The following ACSL6 variants were observed in gnomAD, a reference collection of about 807,000 sequenced individuals.
The protein encoded by ACSL6 is long-chain-fatty-acid--CoA ligase 6.
Under a neutral mutation model 98.2 loss-of-function variants are expected in ACSL6, and 47 were observed. The ratio of observed to expected loss-of-function variants is 0.48; its 90% confidence interval spans 0.38 to 0.61. ACSL6 has a LOEUF of 0.61. ACSL6 is among the 20% of genes least tolerant of loss of function. The pLI, the probability that ACSL6 is intolerant of heterozygous loss-of-function variation, is 0.00. For synonymous variants in ACSL6, 362 were observed against 336.9 expected, an observed-to-expected ratio of 1.07 and a Z score of -0.82; for missense variants, 761 against 913.4, an observed-to-expected ratio of 0.83 and a Z score of 2.15.
At position 131,992,431 on chromosome 5, in the gene ACSL6, A is replaced by G. The variant is rs1466151668; in HGVS notation, c.271-1464T>C. Among the ~76,000 whole-genome samples the G allele has an allele frequency of 3.9e-5, 6 of 152,016 alleles. No individual in the cohort carries two copies. In the East Asian group the frequency reaches 1.2e-3, roughly 29 times the overall value. ...TGCCTCTCCCATCTCATTTCCTACC[A>G]CTGTCTCCTTTGCCTACTCCGGTGC... On this transcript the variant is annotated intron_variant, in intron 2 of 20. Transcript: ENST00000651883.
intron 1 of ACSL6, 80 bp from the exon 2 acceptor site, chr5:131,994,331 T>A: frequency 8.0e-7 from 1 of 1,248,136 alleles, no homozygotes; most frequent in Non-Finnish European, 1.1e-6. Flanking sequence ...GGACCTGATA[T>A]CTGGTCTGAA....
chr5:131,966,522 C>CAA lies in ACSL6; in HGVS notation c.1606_1607insTT (p.Arg536IlefsTer11). The CAA allele has an allele frequency of 6.2e-7, 1 of 1,614,120 alleles. No individual in the cohort carries two copies. Among genetic ancestry groups the CAA allele is most frequent in the Non-Finnish European group, 8.5e-7 (1 of 1,179,958 alleles). ...GTAGCCTTTGAACACATTTGGTCCT[C>CAA]TCACACATATCTATGGGACAAAAAC... On this transcript the variant is annotated frameshift_variant, in exon 17 of 21. Transcript: ENST00000651883. LOFTEE classifies it high-confidence loss of function.
rs1486319433 is a variant in ACSL6, at chr5:132,011,228, G to C, written c.49+277C>G. Reference sequence around the variant, plus strand: ...GGATGGTCCTTGCCATCAGGGAAGGGGGACGCAAGAACTCGGCGGGGGTTT... The same window carrying C: ...GGATGGTCCTTGCCATCAGGGAAGGCGGACGCAAGAACTCGGCGGGGGTTT... On this transcript the variant is annotated intron_variant, in intron 1 of 20. Coordinates refer to ENST00000651883, the MANE Select transcript of ACSL6 (RefSeq NM_001009185.3). The surrounding 1 kb of genome is among the most constrained non-coding windows in gnomAD (Gnocchi z 5.4). Among the ~76,000 whole-genome samples, 1 of 152,178 alleles carries C rather than the reference G, an allele frequency of 6.6e-6. No homozygotes were observed. The highest frequency in any genetic ancestry group is 1.5e-5 in the Non-Finnish European group (1 of 68,024).
At chr5:131,985,601 T>C in intron 8 of ACSL6, 143 bp from the exon 9 acceptor site, 1 of 808,854 alleles carries the variant, frequency 1.2e-6, no homozygotes, top group Non-Finnish European at 2.0e-6. Context: ...TGCATGCTCC[T>C]GTGTGCTGCG....
intron 20 of ACSL6, among the ~76,000 whole-genome samples, chr5:131,957,537 TTG>T (rs1396802279): frequency 6.6e-6 from 1 of 152,226 alleles, no homozygotes; most frequent in Non-Finnish European, 1.5e-5. Context: ...ATTACATCAT[TTG>T]TTTTTCTAAT....
intron 1 of ACSL6, among the ~76,000 whole-genome samples, chr5:132,003,175 A>G (rs1356531458): frequency 6.6e-6 from 1 of 152,242 alleles, no homozygotes; most frequent in Non-Finnish European, 1.5e-5. Context: ...CCATAGTCTG[A>G]CAAAATTCCT....
chr5:131,960,804 TC>T, intron 18 of ACSL6, 183 bp from the exon 19 acceptor site: 1 of 500,722 alleles, frequency 2.0e-6, no homozygotes, highest in East Asian at 3.3e-5. Context: ...TCTGATATAT[TC>T]CCCTAGTTTT....
At position 131,988,809 on chromosome 5, in the gene ACSL6, A is replaced by G. The variant is rs758220627; in HGVS notation, c.648T>C (p.Asn216=). 5.6e-6 allele frequency: 9 copies of G among 1,612,978 alleles called. No homozygotes were observed. In the South Asian group the frequency reaches 7.7e-5, roughly 14 times the overall value. Residue 216 remains asparagine, a synonymous_variant, in exon 6 of 21, where the codon AAT becomes AAC. Transcript: ENST00000651883. ...LGPGAIRYII[N]TADISTVIVD... ...GTGGGGTGGCAGTGGGCTTACCTGT[A>G]TTGATGATGTAGCGGATAGCCCCAG...
intron 10 of ACSL6, chr5:131,975,761 G>T (rs1377619302): frequency 2.0e-6 from 2 of 985,364 alleles, no homozygotes; most frequent in Non-Finnish European, 2.4e-6. Context: ...TGGGATCTGG[G>T]TGGGCTGTGC....
rs373550258 is a variant in ACSL6 at position 131,968,036 on chromosome 5, A to G, written c.1508-8T>C. 10 of 1,612,522 alleles carry G rather than the reference A, an allele frequency of 6.2e-6. No homozygotes were observed. The African/African-American group carries it at 8.0e-5, about 13-fold the overall frequency. On this transcript the variant is annotated splice_polypyrimidine_tract_variant and splice_region_variant and intron_variant, in intron 15 of 20. Transcript: ENST00000651883. ...GTGGCGCCCCTACGTGCCCTGGAAC[A>G]CCGGAGCAAGATGGCATTTGTTAGT... is the stretch of plus-strand genomic sequence containing the variant.
chr5:131,968,239 T>C, intron 15 of ACSL6: 1 of 519,522 alleles, frequency 1.9e-6, no homozygotes, highest in Admixed American at 3.3e-5. Context: ...TGGGCATTTG[T>C]TTTACATCCG....
intron 3 of ACSL6, 68 bp downstream of exon 3, chr5:131,990,785 C>T: frequency 1.4e-6 from 2 of 1,457,982 alleles, no homozygotes; most frequent in East Asian, 2.3e-5. Flanking sequence ...TGCTTGCATA[C>T]CCACCCTTGC....
At chr5:131,970,445 T>G (rs1376584992) in intron 14 of ACSL6, among the ~76,000 whole-genome samples, 1 of 151,678 alleles carries the variant, frequency 6.6e-6, no homozygotes, top group East Asian at 1.9e-4. Context: ...AGTCTCACTC[T>G]GTCGCCCAGG....
chr5:131,976,590 T>A, intron 10 of ACSL6, 58 bp downstream of exon 10: 4 of 1,378,160 alleles, frequency 2.9e-6, no homozygotes, highest in African/African-American at 1.5e-5. Context: ...AAAAAAATCC[T>A]CTGAGGCTTG....
chr5:132,001,637 A>T (rs777776678), intron 1 of ACSL6, among the ~76,000 whole-genome samples: 1 of 152,180 alleles, frequency 6.6e-6, no homozygotes, highest in Admixed American at 6.5e-5. Flanking sequence ...TGATGGTTCA[A>T]TTAAGCCCCT....
intron 15 of ACSL6, 142 bp downstream of exon 15, chr5:131,969,986 C>G (rs1753217029): frequency 1.4e-6 from 1 of 729,870 alleles, no homozygotes; most frequent in Non-Finnish European, 2.4e-6. Context: ...CAGACATAAC[C>G]ACCATTAATG....
At chr5:131,993,682 A>G (rs1754642352) in intron 2 of ACSL6, 1 of 301,950 alleles carries the variant, frequency 3.3e-6, no homozygotes, top group African/African-American at 2.2e-5. Context: ...GCACCAGACC[A>G]GGAGAGTTTG....
At chr5:131,960,467 T>C in intron 19 of ACSL6, 53 bp downstream of exon 19, 1 of 1,468,006 alleles carries the variant, frequency 6.8e-7, no homozygotes. Context: ...TCTCATTATG[T>C]GGTACCATAA....
At chr5:131,959,933 G>T (rs559125237) in intron 19 of ACSL6, 8 of 384,160 alleles carry the variant, frequency 2.1e-5, no homozygotes, top group Admixed American at 2.0e-4. Context: ...GAGAGGGAGG[G>T]TCTATGGCTA....
Sources: gnomAD v4.1 joint callset for allele counts (sites outside exome capture counted in the v4.1 genomes callset) on GRCh38, gnomAD v4.1.1 for gene constraint, Gnocchi (gnomAD v3.1) non-coding constraint, MANE v1.5 for transcripts, NCBI Gene and HGNC (gene_info 2026-07-23, HGNC 2026-07-21) for gene names.